Variants in SPMIP2 observed in about 807,000 individuals in gnomAD.
SPMIP2 encodes the protein protein SPMIP2.
the SPMIP2 span, chr4:158,893,317 T>C: frequency 1.8e-4 from 32 of 176,418 alleles, no homozygotes; most frequent in Non-Finnish European, 3.1e-4. Flanking sequence ...TTCCTAACCA[T>C]GTACTCTTTC....
chr4:158,953,950 T>G, the SPMIP2 span, among the ~76,000 whole-genome samples: 2 of 152,204 alleles, frequency 1.3e-5, no homozygotes, highest in African/African-American at 2.4e-5. Context: ...GTAACTAGCT[T>G]GCTTTTGATT....
the SPMIP2 span, among the ~76,000 whole-genome samples, chr4:159,055,981 G>A: frequency 2.2e-4 from 33 of 152,120 alleles, no homozygotes; most frequent in African/African-American, 7.7e-4. Flanking sequence ...ATTCACACCT[G>A]TGTCAAGAGA....
chr4:159,049,874 T>C, the SPMIP2 span, among the ~76,000 whole-genome samples: 1 of 152,200 alleles, frequency 6.6e-6, no homozygotes, highest in Admixed American at 6.5e-5. Flanking sequence ...ATATACTGCA[T>C]TACATCACTG....
the SPMIP2 span, among the ~76,000 whole-genome samples, chr4:158,952,404 T>G: frequency 6.6e-6 from 1 of 152,176 alleles, no homozygotes; most frequent in African/African-American, 2.4e-5. Flanking sequence ...ATGGTTTTAT[T>G]GGGGGTTTCC....
At chr4:159,024,051 A>G in the SPMIP2 span, among the ~76,000 whole-genome samples, 1 of 152,040 alleles carries the variant, frequency 6.6e-6, no homozygotes, top group African/African-American at 2.4e-5. Flanking sequence ...GTCTGGTTCA[A>G]CCCTTACTAC....
chr4:159,005,352 G>A, the SPMIP2 span, among the ~76,000 whole-genome samples: 1 of 151,332 alleles, frequency 6.6e-6, no homozygotes, highest in Admixed American at 6.6e-5. Flanking sequence ...GCTGGGGCAG[G>A]ATAATTGCTT....
the SPMIP2 span, among the ~76,000 whole-genome samples, chr4:158,923,675 T>A: frequency 1.3e-5 from 2 of 152,196 alleles, no homozygotes; most frequent in African/African-American, 2.4e-5. Flanking sequence ...TAGTATTACT[T>A]CTTCTTCTCC....
chr4:158,941,937 A>T, the SPMIP2 span, among the ~76,000 whole-genome samples: 5 of 152,054 alleles, frequency 3.3e-5, no homozygotes, highest in African/African-American at 1.2e-4. Flanking sequence ...GGAGGAGGTG[A>T]TACTTGAATC....
At chr4:158,943,136 T>G in the SPMIP2 span, among the ~76,000 whole-genome samples, 2 of 152,242 alleles carry the variant, frequency 1.3e-5, no homozygotes, top group Non-Finnish European at 2.9e-5. Context: ...CAGTCTGCCT[T>G]TTGTACCCTC....
At chr4:158,931,550 C>G in the SPMIP2 span, among the ~76,000 whole-genome samples, 1 of 151,426 alleles carries the variant, frequency 6.6e-6, no homozygotes, top group African/African-American at 2.4e-5. Context: ...AGCCACCATG[C>G]CCAGCCCAGA....
At chr4:158,893,699 G>A in the SPMIP2 span, 1 of 1,589,520 alleles carries the variant, frequency 6.3e-7, no homozygotes, top group Non-Finnish European at 8.6e-7. Flanking sequence ...TGCTGATTTA[G>A]AGGTTAATGT....
At chr4:159,071,775 G>A in the SPMIP2 span, among the ~76,000 whole-genome samples, 7 of 148,962 alleles carry the variant, frequency 4.7e-5, no homozygotes, top group Admixed American at 3.4e-4. Context: ...AAGCTGTGGA[G>A]TTGTGGTGGA....
chr4:159,061,618 G>A, the SPMIP2 span, among the ~76,000 whole-genome samples: 1 of 152,058 alleles, frequency 6.6e-6, no homozygotes, highest in Admixed American at 6.6e-5. Flanking sequence ...GAACAGCCTG[G>A]CCAACATGGT....
At chr4:158,926,067 T>A in the SPMIP2 span, among the ~76,000 whole-genome samples, 1 of 152,222 alleles carries the variant, frequency 6.6e-6, no homozygotes, top group African/African-American at 2.4e-5. Context: ...CTTTAACATA[T>A]GAATATTGAG....
At chr4:158,901,985 C>A in the SPMIP2 span, among the ~76,000 whole-genome samples, 109 of 152,172 alleles carry the variant, frequency 7.2e-4, no homozygotes, top group African/African-American at 2.5e-3. Context: ...AAGCCTACTT[C>A]TGTCAATTCA....
chr4:158,903,257 G>A, the SPMIP2 span, among the ~76,000 whole-genome samples: 7 of 152,056 alleles, frequency 4.6e-5, no homozygotes, highest in Admixed American at 1.3e-4. Context: ...TGCACTTCCC[G>A]AGTAAGGCAA....
At chr4:158,930,191 GTC>G in the SPMIP2 span, among the ~76,000 whole-genome samples, 125 of 144,050 alleles carry the variant, frequency 8.7e-4, no homozygotes, top group African/African-American at 1.8e-3. Flanking sequence ...GAGGATCTCA[GTC>G]TCTCTCTCTC....
At chr4:158,953,604 C>G in the SPMIP2 span, among the ~76,000 whole-genome samples, 1 of 152,200 alleles carries the variant, frequency 6.6e-6, no homozygotes, top group African/African-American at 2.4e-5. Context: ...GTCCTCCAGA[C>G]CCCAGAATGG....
the SPMIP2 span, among the ~76,000 whole-genome samples, chr4:159,078,979 G>A: frequency 6.6e-6 from 1 of 152,076 alleles, no homozygotes; most frequent in African/African-American, 2.4e-5. Context: ...TTAGCTGGGT[G>A]TGGTGGTGCA....
Sources: gnomAD v4.1 joint callset for allele counts (sites outside exome capture counted in the v4.1 genomes callset) on GRCh38, gnomAD v4.1.1 for gene constraint, MANE v1.5 for transcripts, NCBI Gene and HGNC (gene_info 2026-07-23, HGNC 2026-07-21) for gene names.